The following ATP8B4 variants were observed in gnomAD, a reference collection of about 807,000 sequenced individuals.
The protein encoded by ATP8B4 is probable phospholipid-transporting ATPase IM.
ATP8B4 carries 133 observed loss-of-function variants against 145.6 expected under a neutral mutation model. The observed-to-expected ratio is 0.91, with a 90% CI of 0.79 to 1.05. ATP8B4 has a LOEUF of 1.05. ATP8B4 is among the 50% of genes least tolerant of loss of function. ATP8B4 has a pLI of 0.00. For synonymous variants in ATP8B4, 507 were observed against 492.9 expected (o/e 1.03, Z -0.38); for missense variants, 1,458 against 1,425.2 (o/e 1.02, Z -0.37).
At chr15:50,154,809 C>T (rs561452993) in intron 1 of ATP8B4, among the ~76,000 whole-genome samples, 115 of 152,086 alleles carry the variant, frequency 7.6e-4, no homozygotes, top group African/African-American at 2.3e-3. Context: ...AGATTAGCTG[C>T]GACTACAGGT....
chr15:50,167,203 T>C (rs889447856), intron 1 of ATP8B4, among the ~76,000 whole-genome samples: 2 of 152,220 alleles, frequency 1.3e-5, no homozygotes, highest in African/African-American at 4.8e-5. Flanking sequence ...TGGTTTAGCA[T>C]ATTAGTTTCC....
chr15:50,002,469 A>G (rs2047976996), intron 7 of ATP8B4, among the ~76,000 whole-genome samples: 1 of 152,156 alleles, frequency 6.6e-6, no homozygotes, highest in African/African-American at 2.4e-5. Context: ...ATATGAATTA[A>G]TAGCCACTTG....
intron 1 of ATP8B4, among the ~76,000 whole-genome samples, chr15:50,165,970 AAC>A (rs149302745): frequency 0.11 from 16,510 of 146,816 alleles, 1,130 homozygotes; most frequent in East Asian, 0.21. Context: ...AATCCCAGAG[AAC>A]ACACACACAC....
At chr15:50,165,045 CTTT>C (rs917583394) in intron 1 of ATP8B4, among the ~76,000 whole-genome samples, 1 of 150,952 alleles carries the variant, frequency 6.6e-6, no homozygotes, top group African/African-American at 2.4e-5. Flanking sequence ...TACCTCTTTC[CTTT>C]TTTTTTCTTT....
rs1721505456 is a variant in ATP8B4, at chr15:50,032,273, G to A, written c.362+6495C>T. On this transcript the variant is annotated intron_variant, in intron 6 of 27. Transcript: ENST00000284509. ...TTGTTCAACTCCCACTTATGAATGA[G>A]AACATGTGGTATTTGGTTTTCTGTT... Among the ~76,000 whole-genome samples, 3 of 151,926 alleles carry A rather than the reference G, an allele frequency of 2.0e-5. No homozygotes were observed. The South Asian group carries it at 6.2e-4, about 32-fold the overall frequency.
At chr15:50,074,089 C>CTA (rs1567308980) in intron 3 of ATP8B4, 38 bp downstream of exon 3, 2 of 1,574,246 alleles carry the variant, frequency 1.3e-6, no homozygotes, top group Middle Eastern at 1.7e-4. Context: ...TAGGTAAGAC[C>CTA]TATCCTAGTA....
intron 2 of ATP8B4, among the ~76,000 whole-genome samples, chr15:50,079,082 T>C (rs766404634): frequency 5.9e-5 from 9 of 152,184 alleles, no homozygotes; most frequent in African/African-American, 1.4e-4. Flanking sequence ...AAAAGTATAA[T>C]TGGATTGTTT....
At chr15:50,090,039 G>C (rs1171684248) in intron 2 of ATP8B4, among the ~76,000 whole-genome samples, 3 of 152,056 alleles carry the variant, frequency 2.0e-5, no homozygotes, top group Non-Finnish European at 4.4e-5. Flanking sequence ...GCCATAAAAA[G>C]GAATGAGATC....
At chr15:49,931,023 A>C in intron 16 of ATP8B4, 96 bp downstream of exon 16, 1 of 1,336,226 alleles carries the variant, frequency 7.5e-7, no homozygotes, top group Non-Finnish European at 1.0e-6. Flanking sequence ...AAACTATCAC[A>C]ACCCTCAGCA....
intron 18 of ATP8B4, among the ~76,000 whole-genome samples, chr15:49,919,584 A>C: frequency 6.6e-6 from 1 of 151,942 alleles, no homozygotes; most frequent in South Asian, 2.1e-4. Flanking sequence ...CACCCGGCTA[A>C]TTTTTTGTAA....
chr15:50,038,785 T>G lies in ATP8B4; in HGVS notation c.345A>C (p.Glu115Asp), dbSNP rs751097035. Residue 115 changes from glutamate to aspartate, a missense_variant, in exon 6 of 28, where the codon GAA becomes GAC. Physicochemically the swap from Glu to Asp is conservative, Grantham distance 45. Coordinates refer to ENST00000284509, the MANE Select transcript of ATP8B4 (RefSeq NM_024837.4). ...SDNQVNNRQSEVLINSKLQNE... is the reference protein window; with the variant it reads ...SDNQVNNRQSDVLINSKLQNE... The stretch of plus-strand genomic sequence containing the variant: ...TTTCTTACTTGCTGTTGATGAGCAC[T>G]TCAGACTGCCGATTATTCACTTGAT... The G allele has an allele frequency of 6.2e-7, 1 of 1,613,588 alleles. No individual in the cohort carries two copies. Among genetic ancestry groups the G allele is most frequent in the Admixed American group, 1.7e-5 (1 of 60,000 alleles).
At chr15:49,971,167 C>G (rs1043525596) in intron 13 of ATP8B4, among the ~76,000 whole-genome samples, 2 of 152,078 alleles carry the variant, frequency 1.3e-5, no homozygotes, top group African/African-American at 4.8e-5. Flanking sequence ...CCATAAAAAC[C>G]TAGAAGAAAA....
intron 12 of ATP8B4, among the ~76,000 whole-genome samples, chr15:49,974,446 C>T (rs1439125920): frequency 6.6e-6 from 1 of 150,984 alleles, no homozygotes; most frequent in African/African-American, 2.4e-5. Context: ...CCAGGTTGGC[C>T]TCAAATTCCT....
chr15:49,993,626 A>G lies in ATP8B4; in HGVS notation c.589+3051T>C, dbSNP rs542708932. The stretch of plus-strand genomic sequence containing the variant: ...ATTGTTTCTAATTTATTTTCCCTTA[A>G]TTCGTCTATTCATTCTTCTGATGTT... On this transcript the variant is annotated intron_variant, in intron 9 of 27. Coordinates refer to ENST00000284509, the MANE Select transcript of ATP8B4 (RefSeq NM_024837.4). Among the ~76,000 whole-genome samples the G allele has an allele frequency of 6.6e-5, 10 of 152,236 alleles. No individual in the cohort carries two copies. In the South Asian group the frequency reaches 2.1e-3, roughly 32 times the overall value.
At chr15:50,049,075 G>A (rs141312758) in intron 3 of ATP8B4, among the ~76,000 whole-genome samples, 297 of 152,294 alleles carry the variant, frequency 2.0e-3, no homozygotes, top group Non-Finnish European at 1.7e-3. Context: ...AGAACCTTTG[G>A]AACTGTTTTC....
intron 1 of ATP8B4, among the ~76,000 whole-genome samples, chr15:50,133,944 G>A (rs985036614): frequency 6.6e-6 from 1 of 151,988 alleles, no homozygotes; most frequent in Non-Finnish European, 1.5e-5. Flanking sequence ...AGACCAGCCT[G>A]GGCACCATAG....
intron 3 of ATP8B4, among the ~76,000 whole-genome samples, chr15:50,047,968 A>C (rs1192789175): frequency 1.3e-5 from 2 of 152,184 alleles, no homozygotes; most frequent in African/African-American, 2.4e-5. Context: ...AATTGCTGGA[A>C]TGGTCCTTAT....
At chr15:49,998,467 G>T (rs964865417) in intron 8 of ATP8B4, among the ~76,000 whole-genome samples, 3 of 152,178 alleles carry the variant, frequency 2.0e-5, no homozygotes, top group Non-Finnish European at 4.4e-5. Flanking sequence ...TTGTAGTTTA[G>T]ATTTGCATTT....
intron 3 of ATP8B4, among the ~76,000 whole-genome samples, chr15:50,065,234 CA>C (rs907572844): frequency 1.4e-3 from 219 of 151,378 alleles, no homozygotes; most frequent in African/African-American, 4.9e-3. Context: ...TTTTATTTGT[CA>C]AAAAAAAGAA....
Sources: allele counts gnomAD v4.1 joint callset (sites outside exome capture counted in the v4.1 genomes callset), GRCh38; gene constraint gnomAD v4.1.1; transcripts MANE v1.5; gene names NCBI Gene and HGNC (gene_info 2026-07-23, HGNC 2026-07-21).